The following CDC42SE2 variants were observed in gnomAD, a reference collection of about 807,000 sequenced individuals.
CDC42SE2 encodes CDC42 small effector 2.
Under a neutral mutation model 11.5 loss-of-function variants are expected in CDC42SE2, and 3 were observed. The ratio of observed to expected loss-of-function variants is 0.26; its 90% CI spans 0.12 to 0.67. CDC42SE2 has a LOEUF of 0.67. Among genes scored for constraint, CDC42SE2 ranks in the 30% least tolerant of loss-of-function variants. The pLI, the probability that CDC42SE2 is intolerant of heterozygous loss-of-function variation, is 0.80. For missense variants in CDC42SE2, 82 were observed against 106.8 expected, an observed-to-expected ratio of 0.77 and a Z score of 1.02; for synonymous variants, 33 against 34.8, an observed-to-expected ratio of 0.95 and a Z score of 0.18.
intron 2 of CDC42SE2, among the ~76,000 whole-genome samples, chr5:131,344,361 C>A (rs192418761): frequency 2.6e-4 from 39 of 152,308 alleles, no homozygotes; most frequent in South Asian, 6.2e-4. Flanking sequence ...TATCCTGCGC[C>A]TGACTAAGAG....
chr5:131,223,831 T>C, the CDC42SE2 span, among the ~76,000 whole-genome samples: 1 of 152,212 alleles, frequency 6.6e-6, no homozygotes, highest in Admixed American at 6.5e-5. Context: ...TACCACTCTG[T>C]CTTGAACTGG....
intron 2 of CDC42SE2, among the ~76,000 whole-genome samples, chr5:131,318,724 A>G (rs546297570): frequency 2.0e-5 from 3 of 152,192 alleles, no homozygotes; most frequent in Non-Finnish European, 2.9e-5. Flanking sequence ...GTTTAATCCA[A>G]TTGGCTTTGG....
At chr5:131,297,195 C>T (rs1209076571) in intron 1 of CDC42SE2, among the ~76,000 whole-genome samples, 1 of 143,574 alleles carries the variant, frequency 7.0e-6, no homozygotes, top group Admixed American at 7.1e-5. Context: ...CTTTCTCGTG[C>T]AAAAATGGCT....
chr5:131,282,787 C>T (rs1437217066), intron 1 of CDC42SE2, among the ~76,000 whole-genome samples: 2 of 151,482 alleles, frequency 1.3e-5, no homozygotes, highest in African/African-American at 4.9e-5. Context: ...CGCCACCATG[C>T]CTGGCTAATG....
chr5:131,271,879 T>G (rs969772151), intron 1 of CDC42SE2, among the ~76,000 whole-genome samples: 1 of 152,176 alleles, frequency 6.6e-6, no homozygotes, highest in Non-Finnish European at 1.5e-5. Context: ...CTCCATCTGT[T>G]CCAGCATACA....
At chr5:131,299,464 T>C (rs1757636564) in intron 1 of CDC42SE2, among the ~76,000 whole-genome samples, 1 of 152,192 alleles carries the variant, frequency 6.6e-6, no homozygotes. Context: ...AAGTTAAGGA[T>C]AACATGCTTG....
intron 1 of CDC42SE2, among the ~76,000 whole-genome samples, chr5:131,246,047 A>G (rs1056771557): frequency 6.6e-6 from 1 of 152,216 alleles, no homozygotes; most frequent in African/African-American, 2.4e-5. Context: ...TACTTCTATT[A>G]CTTTTATACC....
the CDC42SE2 span, among the ~76,000 whole-genome samples, chr5:131,231,988 C>G: frequency 4.6e-3 from 700 of 152,202 alleles, 2 homozygotes; most frequent in Non-Finnish European, 7.5e-3. Flanking sequence ...CAGGGTTTCA[C>G]CACGTTGGCC....
intron 2 of CDC42SE2, among the ~76,000 whole-genome samples, chr5:131,324,673 T>C (rs1040411142): frequency 2.6e-5 from 4 of 151,594 alleles, no homozygotes; most frequent in African/African-American, 9.8e-5. Flanking sequence ...GATACTGACA[T>C]TTTTCCACAC....
chr5:131,342,403 T>TG (rs1283404502), intron 2 of CDC42SE2, among the ~76,000 whole-genome samples: 2 of 146,182 alleles, frequency 1.4e-5, no homozygotes, highest in Non-Finnish European at 3.0e-5. Context: ...TTTTTTTTTT[T>TG]TTTTAAGATA....
At chr5:131,267,901 G>A (rs899224308) in intron 1 of CDC42SE2, among the ~76,000 whole-genome samples, 1 of 151,748 alleles carries the variant, frequency 6.6e-6, no homozygotes, top group Non-Finnish European at 1.5e-5. Flanking sequence ...TTGATCTGCT[G>A]TATTGTTCTT....
chr5:131,314,440 TGTGTTTC>T (rs1253334980), intron 1 of CDC42SE2, among the ~76,000 whole-genome samples: 2 of 152,056 alleles, frequency 1.3e-5, no homozygotes, highest in African/African-American at 4.8e-5. Context: ...AGGGTCTCCC[TGTGTTTC>T]CCAGGCTGGT....
At chr5:131,345,921 A>G (rs924774114) in intron 2 of CDC42SE2, among the ~76,000 whole-genome samples, 1 of 152,200 alleles carries the variant, frequency 6.6e-6, no homozygotes, top group African/African-American at 2.4e-5. Context: ...TGAAGGAGAA[A>G]TAAAATCCTT....
intron 1 of CDC42SE2, among the ~76,000 whole-genome samples, chr5:131,301,816 T>G (rs1757688839): frequency 6.6e-6 from 1 of 151,988 alleles, no homozygotes; most frequent in African/African-American, 2.4e-5. Flanking sequence ...AACTCTGACT[T>G]GCTAATTGCT....
chr5:131,269,466 G>T (rs1291720034), intron 1 of CDC42SE2, among the ~76,000 whole-genome samples: 1 of 151,954 alleles, frequency 6.6e-6, no homozygotes, highest in African/African-American at 2.4e-5. Context: ...TTTTTATCTT[G>T]TACTAAAACA....
chr5:131,341,211 A>G (rs1250194172), intron 2 of CDC42SE2, among the ~76,000 whole-genome samples: 4 of 152,178 alleles, frequency 2.6e-5, no homozygotes, highest in Non-Finnish European at 4.4e-5. Context: ...CCCCAGTACA[A>G]TGATGAAAAA....
At chr5:131,363,425 G>A (rs1749768187) in intron 3 of CDC42SE2, among the ~76,000 whole-genome samples, 1 of 152,120 alleles carries the variant, frequency 6.6e-6, no homozygotes, top group Admixed American at 6.5e-5. Flanking sequence ...CGCCTAGGCT[G>A]GAGTGCAATG....
At chr5:131,346,264 A>C (rs908166777) in intron 2 of CDC42SE2, among the ~76,000 whole-genome samples, 3 of 152,158 alleles carry the variant, frequency 2.0e-5, no homozygotes, top group Admixed American at 6.6e-5. Context: ...ACCCATCTCA[A>C]GTGCAGAGAC....
At chr5:131,256,177 A>G (rs920493866) in intron 2 of CDC42SE2, among the ~76,000 whole-genome samples, 1 of 152,192 alleles carries the variant, frequency 6.6e-6, no homozygotes, top group African/African-American at 2.4e-5. Context: ...TTTTTTGCCC[A>G]AGTGGAAATA....
Sources: gnomAD v4.1 joint callset for allele counts (sites outside exome capture counted in the v4.1 genomes callset) on GRCh38, gnomAD v4.1.1 for gene constraint, MANE v1.5 for transcripts, NCBI Gene and HGNC (gene_info 2026-07-23, HGNC 2026-07-21) for gene names.